Variants in KATNB1 observed in about 807,000 individuals in gnomAD.
KATNB1 encodes the protein katanin p80 WD40 repeat-containing subunit B1.
KATNB1 carries 38 observed loss-of-function variants against 82.3 expected under a neutral mutation model. The observed-to-expected ratio is 0.46, with a 90% CI of 0.36 to 0.61. KATNB1 has a LOEUF of 0.61. Among genes scored for constraint, KATNB1 ranks in the 20% least tolerant of loss-of-function variants. The pLI is 0.00. For missense variants in KATNB1, 749 were observed against 915.7 expected, an observed-to-expected ratio of 0.82 and a Z score of 2.35; for synonymous variants, 361 against 368.7, an observed-to-expected ratio of 0.98 and a Z score of 0.24.
intron 4 of KATNB1, among the ~76,000 whole-genome samples, chr16:57,748,461 A>ATT (rs60376635): frequency 3.8e-4 from 31 of 82,066 alleles, no homozygotes; most frequent in Non-Finnish European, 6.4e-4. Flanking sequence ...CCCCATCTCT[A>ATT]TTTTTTTAAA....
chr16:57,737,993 C>T (rs1458152458), intron 2 of KATNB1, among the ~76,000 whole-genome samples: 1 of 152,202 alleles, frequency 6.6e-6, no homozygotes, highest in Admixed American at 6.5e-5. Flanking sequence ...CCACCATATG[C>T]TTGAGAGCAA....
At chr16:57,749,375 T>A (rs1278624531) in intron 4 of KATNB1, among the ~76,000 whole-genome samples, 1 of 152,144 alleles carries the variant, frequency 6.6e-6, no homozygotes, top group Non-Finnish European at 1.5e-5. Flanking sequence ...CCAAGGCTGA[T>A]CCCAGTATTG....
At chr16:57,740,202 G>A (rs782390548) in intron 2 of KATNB1, among the ~76,000 whole-genome samples, 3 of 152,188 alleles carry the variant, frequency 2.0e-5, no homozygotes, top group Admixed American at 6.5e-5. Context: ...TCCCCATGGC[G>A]AACTCCCAGC....
intron 3 of KATNB1, among the ~76,000 whole-genome samples, chr16:57,743,152 G>A (rs2049155357): frequency 1.3e-5 from 2 of 152,202 alleles, no homozygotes; most frequent in Admixed American, 6.5e-5. Context: ...AATTAGCCGG[G>A]CGTGGTGGCA....
intron 4 of KATNB1, among the ~76,000 whole-genome samples, chr16:57,748,475 A>AC (rs1555582103): frequency 6.6e-6 from 1 of 151,448 alleles, no homozygotes; most frequent in East Asian, 1.9e-4. Flanking sequence ...TTTTAAAAAA[A>AC]AAAAAAAAAA....
At chr16:57,752,462 C>T in intron 8 of KATNB1, 68 bp from the exon 9 acceptor site, 1 of 1,416,398 alleles carries the variant, frequency 7.1e-7, no homozygotes, top group Non-Finnish European at 9.8e-7. Flanking sequence ...GAAAAGCTGG[C>T]TTCCCAGGGA....
rs781915093 is a variant in KATNB1 at position 57,751,157 on chromosome 16, TAGAGAAGG to T, written c.391-103_391-96del. 9.1e-5 allele frequency: 103 copies of T among 1,125,710 alleles called. No individual in the cohort carries two copies. Among genetic ancestry groups the T allele is most frequent in the Non-Finnish European group, 8.1e-6 (6 of 741,564 alleles). The allele number at this position is 1,125,710 out of a possible 1,614,324, so 69.7% of individuals were successfully genotyped here. A position where few individuals can be genotyped will look rare whatever the true frequency, so the allele number is the denominator to read the frequency against. On this transcript the variant is annotated intron_variant, in intron 5 of 19. Transcript: ENST00000379661. The surrounding 1 kb of genome is among the most constrained non-coding windows in gnomAD (Gnocchi z 6.3). Reference sequence around the variant, plus strand: ...CTTGTCTCCGTGGGGAGTAACGACCTAGAGAAGGCTGGGCCCCACCGTCTGCTCACGAC... The same window carrying T: ...CTTGTCTCCGTGGGGAGTAACGACCTCTGGGCCCCACCGTCTGCTCACGAC...
At position 57,755,464 on chromosome 16, in the gene KATNB1, G is replaced by A. The variant is rs1555585644; in HGVS notation, c.1536G>A (p.Val512=). 2.5e-6 allele frequency: 4 copies of A among 1,613,384 alleles called. No individual in the cohort carries two copies. The highest frequency in any genetic ancestry group is 1.3e-5 in the African/African-American group (1 of 75,056). ...GCCGCCACAAGAACCTGGACACTGT[G>A]CGGGCTGTGTGGACCATGGGCGACA... ...LTSRHKNLDT[V]RAVWTMGDIK... The change falls in exon 16 of 20, where the codon GTG becomes GTA. Residue 512 remains valine (V), a synonymous_variant. Transcript: ENST00000379661.
At chr16:57,753,602 G>T (rs2049249778) in intron 12 of KATNB1, 83 bp downstream of exon 12, 1 of 1,544,292 alleles carries the variant, frequency 6.5e-7, no homozygotes, top group Non-Finnish European at 8.8e-7. Context: ...GCCTGCTGTG[G>T]CTCCGCATCC....
intron 16 of KATNB1, 85 bp from the exon 17 acceptor site, chr16:57,755,756 A>G: frequency 7.6e-7 from 1 of 1,309,894 alleles, no homozygotes; most frequent in Non-Finnish European, 1.1e-6. Context: ...GCACACCCAC[A>G]TTCACGTTCG....
chr16:57,746,283 C>T lies in KATNB1; in HGVS notation c.289+1772C>T, dbSNP rs568255509. On this transcript the variant is annotated intron_variant, in intron 4 of 19. Transcript: ENST00000379661. ...GTTCTAGGTTGCTATTGGGAGGGGC[C>T]GGTGTTGTTCTGATCCCAGATCCTT... is the stretch of plus-strand genomic sequence containing the variant. 2.6e-5 allele frequency among the ~76,000 whole-genome samples: 4 copies of T among 152,268 alleles called. No individual in the cohort carries two copies. In the East Asian group the frequency reaches 5.8e-4, roughly 22 times the overall value.
chr16:57,745,559 A>G (rs1377565428), intron 4 of KATNB1, among the ~76,000 whole-genome samples: 4 of 88,618 alleles, frequency 4.5e-5, no homozygotes, highest in Non-Finnish European at 1.0e-4. Flanking sequence ...GCGAAACTCC[A>G]TCTCAAAAAA....
chr16:57,737,002 G>C lies in KATNB1; in HGVS notation c.-242G>C, dbSNP rs756084762. On this transcript the variant is annotated 5_prime_UTR_variant, in exon 2 of 20. Transcript: ENST00000379661. The stretch of plus-strand genomic sequence containing the variant: ...GCCCTGTATTGAGCTGAGATGGCTC[G>C]AGCCTAACATTCCATGATCCAGGAT... 1 of 696,634 alleles carries C rather than the reference G, an allele frequency of 1.4e-6. No individual in the cohort carries two copies. The highest frequency in any genetic ancestry group is 2.7e-5 in the East Asian group (1 of 36,984). 43.2% of individuals were successfully genotyped at this position (696,634 alleles called of 1,614,324 possible). A position where few individuals can be genotyped will look rare whatever the true frequency, so the allele number is the denominator to read the frequency against.
chr16:57,737,359 G>T (rs964939251), intron 2 of KATNB1, 76 bp downstream of exon 2: 3 of 1,545,940 alleles, frequency 1.9e-6, no homozygotes, highest in Non-Finnish European at 1.8e-6. Context: ...TGAACCCACA[G>T]CTTTGTTTCC....
In KATNB1 at chr16:57,751,592, C is replaced by A; in HGVS notation, c.433-49C>A. ...TAGGAGTGAGGAGGCAGGGAGAGGT[C>A]TGTTGGGCCCAGGATCCCAGGGTGA... is the stretch of plus-strand genomic sequence containing the variant. On this transcript the variant is annotated intron_variant, in intron 6 of 19. Transcript: ENST00000379661. This position sits in a 1 kb window ranked among gnomAD's most constrained non-coding sequence, Gnocchi z 6.3. The A allele has an allele frequency of 6.5e-7, 1 of 1,545,376 alleles. No homozygotes were observed. The highest frequency in any genetic ancestry group is 8.9e-7 in the Non-Finnish European group (1 of 1,124,440).
rs782447818 is a variant in KATNB1, at chr16:57,744,716, C to CGG, written c.289+207_289+208dup. Among the ~76,000 whole-genome samples the CGG allele has an allele frequency of 4.8e-5, 6 of 124,952 alleles. No individual in the cohort carries two copies. The South Asian group carries it at 8.8e-4, about 18-fold the overall frequency. 82.0% of individuals were successfully genotyped at this position (124,952 alleles called of 152,430 possible). A position where few individuals can be genotyped will look rare whatever the true frequency, so the allele number is the denominator to read the frequency against. ...TGCCTCGTGTGGGTGGGGGGATGTGCGGGTGTGTGTGTGTGTGTGTTTGGA... is the reference window on the plus strand; with the variant it reads ...TGCCTCGTGTGGGTGGGGGGATGTGCGGGGGTGTGTGTGTGTGTGTGTTTGGA... On this transcript the variant is annotated intron_variant, in intron 4 of 19. Transcript: ENST00000379661.
At chr16:57,748,889 G>A (rs2049203829) in intron 4 of KATNB1, among the ~76,000 whole-genome samples, 1 of 152,238 alleles carries the variant, frequency 6.6e-6, no homozygotes, top group African/African-American at 2.4e-5. Flanking sequence ...CCTTGCTGTG[G>A]GATCCAAGCT....
intron 8 of KATNB1, 146 bp from the exon 9 acceptor site, chr16:57,752,384 A>G: frequency 1.3e-6 from 1 of 773,066 alleles, no homozygotes; most frequent in Non-Finnish European, 2.1e-6. Flanking sequence ...TCCCCCTTGC[A>G]AAGTCAGGGC....
rs371173167 is a variant in KATNB1, at chr16:57,737,248, C to T, written c.5C>T (p.Ala2Val). ...CAGGTGCCAGCCAGCTGAAGGATGG[C>T]CACCCCTGTGGTCACCAAGACAGCC... is the stretch of plus-strand genomic sequence containing the variant. M[A>V]TPVVTKTAWK... Residue 2 changes from alanine to valine, a missense_variant, in exon 2 of 20, where the codon GCC becomes GTC. Physicochemically the swap from Ala to Val is moderately conservative, Grantham distance 64 (BLOSUM62 0). Transcript: ENST00000379661. The T allele has an allele frequency of 2.5e-6, 4 of 1,614,042 alleles. No individual in the cohort carries two copies. The African/African-American group carries it at 5.3e-5, about 22-fold the overall frequency.
Sources: gnomAD v4.1 joint callset for allele counts (sites outside exome capture counted in the v4.1 genomes callset) on GRCh38, gnomAD v4.1.1 for gene constraint, Gnocchi (gnomAD v3.1) non-coding constraint, MANE v1.5 for transcripts, NCBI Gene and HGNC (gene_info 2026-07-23, HGNC 2026-07-21) for gene names.